Variants in SLC44A5 observed in about 807,000 individuals in gnomAD.
The protein encoded by SLC44A5 is choline transporter-like protein 5.
SLC44A5 carries 57 observed loss-of-function variants against 101.8 expected under a neutral mutation model. The observed-to-expected ratio is 0.56, with a 90% CI of 0.45 to 0.70. The LOEUF (loss-of-function observed/expected upper bound fraction) is 0.70, where lower values mean the gene tolerates loss of function less well. Ranked by LOEUF, SLC44A5 falls within the 30% of genes least tolerant of loss-of-function variation. The pLI is 0.00. For missense variants in SLC44A5, 737 were observed against 853.1 expected, an observed-to-expected ratio of 0.86 and a Z score of 1.70; for synonymous variants, 281 against 290.9, an observed-to-expected ratio of 0.97 and a Z score of 0.35.
At chr1:75,230,397 G>A (rs1647440611) in intron 12 of SLC44A5, among the ~76,000 whole-genome samples, 2 of 150,814 alleles carry the variant, frequency 1.3e-5, no homozygotes, top group Admixed American at 1.3e-4. Context: ...ACAGGTGTGT[G>A]CTACCATGCC....
the SLC44A5 span, among the ~76,000 whole-genome samples, chr1:75,679,734 A>T: frequency 6.6e-6 from 1 of 152,256 alleles, no homozygotes; most frequent in East Asian, 1.9e-4. Context: ...CTAACATCAT[A>T]ATGACAGGAT....
At chr1:75,480,415 G>A (rs1667764129) in intron 2 of SLC44A5, among the ~76,000 whole-genome samples, 1 of 152,138 alleles carries the variant, frequency 6.6e-6, no homozygotes, top group African/African-American at 2.4e-5. Flanking sequence ...CAATTAGGCA[G>A]GAGAAGGAAA....
At chr1:75,599,671 GA>G (rs1203838805) in intron 1 of SLC44A5, among the ~76,000 whole-genome samples, 7 of 151,970 alleles carry the variant, frequency 4.6e-5, no homozygotes, top group Admixed American at 6.6e-5. Context: ...CTTAATCTTG[GA>G]AAAAAATAGA....
At chr1:75,331,259 C>A (rs996360710) in intron 4 of SLC44A5, among the ~76,000 whole-genome samples, 4 of 152,138 alleles carry the variant, frequency 2.6e-5, no homozygotes, top group African/African-American at 9.7e-5. Flanking sequence ...AGGCTGATAT[C>A]TATTTAGTAT....
chr1:75,287,768 G>A (rs1194370243), intron 5 of SLC44A5, among the ~76,000 whole-genome samples: 1 of 152,054 alleles, frequency 6.6e-6, no homozygotes, highest in African/African-American at 2.4e-5. Context: ...CTGCTACTGG[G>A]GAGTGTCTAT....
intron 3 of SLC44A5, among the ~76,000 whole-genome samples, chr1:75,341,904 T>G (rs1315605683): frequency 1.3e-5 from 2 of 152,182 alleles, no homozygotes; most frequent in Non-Finnish European, 2.9e-5. Context: ...ATTCCATAGA[T>G]CTGAGGAATG....
intron 1 of SLC44A5, among the ~76,000 whole-genome samples, chr1:75,600,011 A>G (rs1213900271): frequency 7.2e-5 from 11 of 152,196 alleles, no homozygotes; most frequent in Admixed American, 7.2e-4. Context: ...TAATTGCAGT[A>G]GAGTAAAAAA....
chr1:75,675,160 T>C, the SLC44A5 span, among the ~76,000 whole-genome samples: 2 of 152,242 alleles, frequency 1.3e-5, no homozygotes, highest in African/African-American at 4.8e-5. Context: ...ATGTCAACAG[T>C]AGTTTAATAG....
At chr1:75,591,929 A>G (rs1176577436) in intron 1 of SLC44A5, among the ~76,000 whole-genome samples, 1 of 152,166 alleles carries the variant, frequency 6.6e-6, no homozygotes, top group Non-Finnish European at 1.5e-5. Flanking sequence ...GTGTCTACTG[A>G]ATAGGGAAAA....
At chr1:75,577,934 C>A (rs1673464575) in intron 1 of SLC44A5, among the ~76,000 whole-genome samples, 1 of 152,028 alleles carries the variant, frequency 6.6e-6, no homozygotes, top group Non-Finnish European at 1.5e-5. Context: ...TAAGTCTTCC[C>A]AATATATACT....
chr1:75,362,979 T>A (rs1209042699), intron 3 of SLC44A5, among the ~76,000 whole-genome samples: 1 of 152,132 alleles, frequency 6.6e-6, no homozygotes, highest in Non-Finnish European at 1.5e-5. Flanking sequence ...TTCATTTAAT[T>A]GCTTTATATA....
chr1:75,457,414 G>C (rs79728486), intron 2 of SLC44A5, among the ~76,000 whole-genome samples: 3 of 152,130 alleles, frequency 2.0e-5, no homozygotes, highest in African/African-American at 7.2e-5. Context: ...CCTTCCAAAA[G>C]GAAGACATGC....
intron 3 of SLC44A5, among the ~76,000 whole-genome samples, chr1:75,342,930 T>C (rs892753878): frequency 2.0e-5 from 3 of 152,152 alleles, no homozygotes; most frequent in African/African-American, 7.2e-5. Flanking sequence ...TGGAAAGTGA[T>C]TACTTCACCC....
chr1:75,429,393 A>C (rs559889097), intron 2 of SLC44A5, among the ~76,000 whole-genome samples: 1 of 152,186 alleles, frequency 6.6e-6, no homozygotes, highest in Non-Finnish European at 1.5e-5. Context: ...CTGGATCCTC[A>C]CTATCATGAA....
intron 2 of SLC44A5, among the ~76,000 whole-genome samples, chr1:75,428,803 G>T (rs75456800): frequency 0.24 from 37,156 of 152,038 alleles, 4,749 homozygotes; most frequent in African/African-American, 0.3. Context: ...CTGAGAGATT[G>T]TCTACGCAAT....
At chr1:75,340,166 T>G (rs771789030) in intron 3 of SLC44A5, among the ~76,000 whole-genome samples, 1 of 152,158 alleles carries the variant, frequency 6.6e-6, no homozygotes, top group Non-Finnish European at 1.5e-5. Flanking sequence ...TTTATTGCAG[T>G]TTTTTCAATC....
intron 2 of SLC44A5, among the ~76,000 whole-genome samples, chr1:75,467,037 A>C (rs1450536730): frequency 6.6e-6 from 1 of 152,216 alleles, no homozygotes. Flanking sequence ...CTATATGCCA[A>C]TAATAAACAA....
chr1:75,473,540 C>T (rs1316595183), intron 2 of SLC44A5, among the ~76,000 whole-genome samples: 2 of 152,132 alleles, frequency 1.3e-5, no homozygotes, highest in Non-Finnish European at 2.9e-5. Context: ...TTGATTTGCG[C>T]TGTTCTTTGC....
chr1:75,491,731 GCACA>G (rs35416517), intron 2 of SLC44A5, among the ~76,000 whole-genome samples: 104 of 148,016 alleles, frequency 7.0e-4, no homozygotes, highest in African/African-American at 1.8e-3. Flanking sequence ...ACGCACGCAC[GCACA>G]CACACACACA....
Sources: gnomAD v4.1 joint callset for allele counts (sites outside exome capture counted in the v4.1 genomes callset) on GRCh38, gnomAD v4.1.1 for gene constraint, MANE v1.5 for transcripts, NCBI Gene and HGNC (gene_info 2026-07-23, HGNC 2026-07-21) for gene names.